The following UTRN variants were observed in gnomAD, a reference collection of about 807,000 sequenced individuals.
UTRN encodes the protein dystrophin-related protein 1.
Under a neutral mutation model 463.9 loss-of-function variants are expected in UTRN, and 283 were observed. The ratio of observed to expected loss-of-function variants is 0.61; its 90% CI spans 0.55 to 0.67. The LOEUF is 0.67. Ranked by LOEUF, UTRN falls within the 30% of genes least tolerant of loss-of-function variation. The pLI, the probability that UTRN is intolerant of heterozygous loss-of-function variation, is 0.00. For synonymous variants in UTRN, 1,442 were observed against 1,431.5 expected (o/e 1.01, Z -0.17); for missense variants, 3,922 against 4,084.3 (o/e 0.96, Z 1.08).
chr6:144,635,857 T>C (rs960484709), intron 51 of UTRN, among the ~76,000 whole-genome samples: 1 of 152,062 alleles, frequency 6.6e-6, no homozygotes, highest in South Asian at 2.1e-4. Context: ...CCTGCTGCCT[T>C]TAAAAAAAAT....
At chr6:144,732,233 T>TAC (rs1788644716) in intron 54 of UTRN, among the ~76,000 whole-genome samples, 2 of 29,924 alleles carry the variant, frequency 6.7e-5, no homozygotes, top group African/African-American at 2.4e-4. Flanking sequence ...TATATATATA[T>TAC]ATATACATAT....
chr6:144,569,001 T>G (rs1308084932), intron 50 of UTRN, among the ~76,000 whole-genome samples: 4 of 152,146 alleles, frequency 2.6e-5, no homozygotes, highest in Non-Finnish European at 4.4e-5. Context: ...TTCCTGAGAC[T>G]CTAATTTCAG....
chr6:144,766,644 A>G (rs1210450282), intron 58 of UTRN, among the ~76,000 whole-genome samples: 2 of 151,940 alleles, frequency 1.3e-5, no homozygotes, highest in African/African-American at 4.8e-5. Context: ...AGTGCAGGAG[A>G]AAAGTTGGAA....
intron 9 of UTRN, among the ~76,000 whole-genome samples, chr6:144,432,571 T>TG (rs1785970162): frequency 6.6e-6 from 1 of 151,856 alleles, no homozygotes; most frequent in Non-Finnish European, 1.5e-5. Context: ...GAGTGTTGGG[T>TG]GGGGGAAAAC....
intron 52 of UTRN, among the ~76,000 whole-genome samples, chr6:144,690,790 C>G (rs973042384): frequency 6.6e-6 from 1 of 152,114 alleles, no homozygotes; most frequent in African/African-American, 2.4e-5. Flanking sequence ...AGGCCTTTTC[C>G]CTGACCTGGA....
intron 51 of UTRN, among the ~76,000 whole-genome samples, chr6:144,648,887 TG>T (rs1778531766): frequency 6.6e-6 from 1 of 152,230 alleles, no homozygotes; most frequent in African/African-American, 2.4e-5. Flanking sequence ...AATGGTTTTA[TG>T]TTTAGGATTC....
chr6:144,611,611 GCAA>G (rs139343881), intron 51 of UTRN, among the ~76,000 whole-genome samples: 13 of 151,920 alleles, frequency 8.6e-5, no homozygotes, highest in African/African-American at 2.7e-4. Flanking sequence ...ATTTACAGTA[GCAA>G]CAACAACAAA....
chr6:144,388,993 A>G (rs1781662004), intron 2 of UTRN, among the ~76,000 whole-genome samples: 1 of 152,130 alleles, frequency 6.6e-6, no homozygotes, highest in Non-Finnish European at 1.5e-5. Flanking sequence ...TAGAAAGTTT[A>G]TTTTGCTAAG....
intron 50 of UTRN, among the ~76,000 whole-genome samples, chr6:144,567,989 G>A (rs1800570675): frequency 6.6e-6 from 1 of 152,046 alleles, no homozygotes. Context: ...AAAAAGGCAA[G>A]TATGTCATGT....
At chr6:144,819,992 G>A (rs1307378260) in intron 65 of UTRN, among the ~76,000 whole-genome samples, 5 of 151,440 alleles carry the variant, frequency 3.3e-5, no homozygotes, top group Non-Finnish European at 7.4e-5. Flanking sequence ...CAGCCAAGTT[G>A]GAGCCAGAGG....
In UTRN at chr6:144,533,097, G is replaced by A; in HGVS notation, c.6070G>A (p.Gly2024Ser). 6.3e-7 allele frequency: 1 copy of A among 1,593,222 alleles called. No homozygotes were observed. The highest frequency in any genetic ancestry group is 8.6e-7 in the Non-Finnish European group (1 of 1,161,568). Reference sequence around the variant, plus strand: ...TGCTCTGTTACAGGAACTTGAGGTGGGCATCAGCAGCCACCAGCCCAGTTT... The same window carrying A: ...TGCTCTGTTACAGGAACTTGAGGTGAGCATCAGCAGCCACCAGCCCAGTTT... ...ARIHQQELEVGISSHQPSFAA... is the reference protein window; with the variant it reads ...ARIHQQELEVSISSHQPSFAA... The change falls in exon 43 of 75, where the codon GGC becomes AGC. Residue 2024 changes from glycine (G) to serine (S), a missense_variant. By Grantham distance (56) the Gly-to-Ser change is moderately conservative. Coordinates refer to ENST00000367545, the MANE Select transcript of UTRN (RefSeq NM_007124.3).
chr6:144,290,524 C>T (rs1804127297), intron 1 of UTRN, among the ~76,000 whole-genome samples: 1 of 152,112 alleles, frequency 6.6e-6, no homozygotes, highest in Admixed American at 6.5e-5. Context: ...TTGCATGATG[C>T]CCCATGATTG....
At chr6:144,501,623 TAA>T (rs1794188997) in intron 34 of UTRN, among the ~76,000 whole-genome samples, 1 of 152,204 alleles carries the variant, frequency 6.6e-6, no homozygotes, top group African/African-American at 2.4e-5. Flanking sequence ...ATTTCATTCT[TAA>T]TTTTTTTATT....
chr6:144,763,473 T>C (rs1196723160), intron 58 of UTRN, among the ~76,000 whole-genome samples: 1 of 152,182 alleles, frequency 6.6e-6, no homozygotes, highest in Non-Finnish European at 1.5e-5. Context: ...AGTTGTAAAA[T>C]CTTGGGGAGC....
chr6:144,811,295 G>A (rs1044443512), intron 65 of UTRN, among the ~76,000 whole-genome samples: 1 of 152,060 alleles, frequency 6.6e-6, no homozygotes, highest in Non-Finnish European at 1.5e-5. Flanking sequence ...TCATTCTTTG[G>A]AAAGCTCTAC....
At chr6:144,387,218 C>T (rs1781496999) in intron 2 of UTRN, among the ~76,000 whole-genome samples, 1 of 152,330 alleles carries the variant, frequency 6.6e-6, no homozygotes, top group South Asian at 2.1e-4. Context: ...TCTTGGCTCA[C>T]TGCAACCTCC....
chr6:144,511,539 A>C (rs78381835), intron 35 of UTRN, among the ~76,000 whole-genome samples: 1 of 152,190 alleles, frequency 6.6e-6, no homozygotes, highest in Non-Finnish European at 1.5e-5. Flanking sequence ...CTAGCTTGGT[A>C]ACACTGGTAA....
chr6:144,606,105 A>T (rs2128639352), intron 51 of UTRN, among the ~76,000 whole-genome samples: 1 of 152,320 alleles, frequency 6.6e-6, no homozygotes, highest in African/African-American at 2.4e-5. Context: ...TCGACCTGAA[A>T]TGTGACAATG....
intron 2 of UTRN, among the ~76,000 whole-genome samples, chr6:144,384,888 A>G (rs1011586190): frequency 6.6e-6 from 1 of 152,134 alleles, no homozygotes; most frequent in Non-Finnish European, 1.5e-5. Flanking sequence ...AATATCTCTG[A>G]GATTCTGCTT....
Sources: gnomAD v4.1 joint callset for allele counts (sites outside exome capture counted in the v4.1 genomes callset) on GRCh38, gnomAD v4.1.1 for gene constraint, MANE v1.5 for transcripts, NCBI Gene and HGNC (gene_info 2026-07-23, HGNC 2026-07-21) for gene names.